Variants in NCOR2 observed in about 807,000 individuals in gnomAD.
NCOR2 encodes CTG repeat protein 26.
In NCOR2, 81 loss-of-function variants were observed where a neutral mutation model predicts 262.9. That is an observed-to-expected ratio of 0.31 (90% CI 0.26 to 0.37). NCOR2 has a LOEUF of 0.37. Ranked by LOEUF, NCOR2 falls within the 10% of genes least tolerant of loss-of-function variation. The probability of loss-of-function intolerance (pLI) is 1.00; values close to 1 mark genes in which losing one functional copy is unlikely to be tolerated. For synonymous variants in NCOR2, 1,659 were observed against 1,559.3 expected (o/e 1.06, Z -1.51); for missense variants, 3,385 against 3,621.4 (o/e 0.93, Z 1.68).
At chr12:124,527,256 G>A (rs1286334261) in intron 1 of NCOR2, among the ~76,000 whole-genome samples, 6 of 152,264 alleles carry the variant, frequency 3.9e-5, no homozygotes, top group Admixed American at 3.9e-4. Context: ...GGGTGAGATG[G>A]GAAGGACGCA....
chr12:124,350,426 T>C (rs2037351839), intron 28 of NCOR2, among the ~76,000 whole-genome samples, 161 bp downstream of exon 30: 1 of 152,196 alleles, frequency 6.6e-6, no homozygotes, highest in African/African-American at 2.4e-5. Context: ...AGGCCAACGC[T>C]TCCCTGCTGC....
rs1479503476 is a variant in NCOR2, at chr12:124,454,339, T to C, written c.762+2767A>G. On this transcript the variant is annotated intron_variant, in intron 6 of 46. Transcript: ENST00000405201. This position sits in a 1 kb window ranked among gnomAD's most constrained non-coding sequence, Gnocchi z 5.6. ...CCAAACACTAGATCTTAGCCTCCTG[T>C]GCCATCAGCCTTGTGGAAGCCTCTG... is the stretch of plus-strand genomic sequence containing the variant. Among the ~76,000 whole-genome samples, 1 of 152,160 alleles carries C rather than the reference T, an allele frequency of 6.6e-6. No homozygotes were observed. The highest frequency in any genetic ancestry group is 1.5e-5 in the Non-Finnish European group (1 of 68,036).
chr12:124,523,968 T>C lies in NCOR2; in HGVS notation c.-118+11597A>G, dbSNP rs2050327536. ...CCACTGGAGACATGGTATTGTTCTC[T>C]GAGAAACTGCTGTGGCCGTGGGCCT... On this transcript the variant is annotated intron_variant, in intron 1 of 46. Coordinates refer to the NCOR2 transcript ENST00000404621. This position sits in a 1 kb window ranked among gnomAD's most constrained non-coding sequence, Gnocchi z 4.0. Among the ~76,000 whole-genome samples, 1 of 152,248 alleles carries C rather than the reference T, an allele frequency of 6.6e-6. No homozygotes were observed. Among genetic ancestry groups the C allele is most frequent in the East Asian group, 1.9e-4 (1 of 5,202 alleles).
In NCOR2 at chr12:124,438,778, C is replaced by CAGAGAGAGAG. The variant is rs56072801; in HGVS notation, c.816-792_816-783dup. ...AGAGAGAGACAGAGACCCAGAGAGA[C>CAGAGAGAGAG]AGAGAGAGAGAGAGAGAGAGAGAGA... is the stretch of plus-strand genomic sequence containing the variant. On this transcript the variant is annotated intron_variant, in intron 7 of 46. Coordinates refer to ENST00000405201, the Ensembl canonical transcript of NCOR2. Among the ~76,000 whole-genome samples the CAGAGAGAGAG allele has an allele frequency of 3.5e-4, 21 of 60,064 alleles. 1 individual carries two copies. Among genetic ancestry groups the CAGAGAGAGAG allele is most frequent in the African/African-American group, 7.9e-4 (10 of 12,622 alleles). The allele number at this position is 60,064 out of a possible 152,430, so 39.4% of individuals were successfully genotyped here. A position where few individuals can be genotyped will look rare whatever the true frequency, so the allele number is the denominator to read the frequency against.
Position 124,335,610 on chromosome 12 carries a change from G to A in NCOR2, c.6138C>T (p.Ser2046=), listed in dbSNP as rs761023130. Reference sequence around the variant, plus strand: ...GGCTGACGGGCTCCACCCCTTCGGGGCTGTAGCTGCTGCCGTGGTAACCTA... The same window carrying A: ...GGCTGACGGGCTCCACCCCTTCGGGACTGTAGCTGCTGCCGTGGTAACCTA... The change falls in exon 39 of 47, where the codon AGC becomes AGT. Residue 2046 remains serine, a synonymous_variant. Coordinates refer to ENST00000405201, the Ensembl canonical transcript of NCOR2. 13 of 1,604,112 alleles carry A rather than the reference G, an allele frequency of 8.1e-6. No individual in the cohort carries two copies. The Middle Eastern group carries it at 5.7e-4, about 71-fold the overall frequency.
rs1412280487 is a variant in NCOR2, at chr12:124,428,090, C to CGTGTGTGTGT, written c.1150-1291_1150-1290insACACACACAC. ...GTGTGTGTGTGTGTGTGTGTGTGTA[C>CGTGTGTGTGT]ATGCAACAATCAGCCCAGGTGCCAC... On this transcript the variant is annotated intron_variant, in intron 10 of 46. Transcript: ENST00000405201. Among the ~76,000 whole-genome samples the CGTGTGTGTGT allele has an allele frequency of 5.5e-3, 759 of 138,074 alleles. 6 individuals are homozygous for CGTGTGTGTGT. Among genetic ancestry groups the CGTGTGTGTGT allele is most frequent in the African/African-American group, 0.016 (544 of 33,634 alleles). 90.6% of individuals were successfully genotyped at this position (138,074 alleles called of 152,430 possible).
intron 41 of NCOR2, among the ~76,000 whole-genome samples, chr12:124,333,861 T>TGCGG (rs778362991): frequency 0.025 from 3,491 of 141,020 alleles, 87 homozygotes; most frequent in African/African-American, 0.049. Flanking sequence ...TGTGCATGTG[T>TGCGG]GTGTGCGCAT....
chr12:124,349,138 T>G (rs1163685163), intron 28 of NCOR2, among the ~76,000 whole-genome samples: 1 of 151,998 alleles, frequency 6.6e-6, no homozygotes, highest in African/African-American at 2.4e-5. Context: ...GTGGCAGGGG[T>G]GGCCTCGCCA....
intron 20 of NCOR2, among the ~76,000 whole-genome samples, chr12:124,371,786 T>C (rs1108109): frequency 0.35 from 52,794 of 152,062 alleles, 9,855 homozygotes; most frequent in African/African-American, 0.43. Flanking sequence ...CTGCCTCCTC[T>C]GTCCGGGTCT....
intron 1 of NCOR2, among the ~76,000 whole-genome samples, chr12:124,525,578 G>A (rs1323858392): frequency 6.6e-6 from 1 of 152,236 alleles, no homozygotes; most frequent in East Asian, 1.9e-4. Context: ...GATGTCCCAC[G>A]TCCTGACCAT....
exon 42 of NCOR2, chr12:124,333,195 C>G: frequency 6.2e-7 from 1 of 1,613,190 alleles, no homozygotes; most frequent in Non-Finnish European, 8.5e-7. Context: ...AGTGCCCTGG[C>G]TCCGTCATGC....
exon 47 of NCOR2, chr12:124,325,226 G>T: frequency 2.3e-6 from 1 of 426,004 alleles, no homozygotes; most frequent in Non-Finnish European, 4.1e-6. Context: ...GGGAGTCTTA[G>T]TTAAGGCTTT....
intron 10 of NCOR2, among the ~76,000 whole-genome samples, chr12:124,428,086 T>TGTGTGTGTGTGTGTGTGTGCGC (rs958627720): frequency 2.3e-4 from 34 of 147,164 alleles, no homozygotes; most frequent in Non-Finnish European, 3.3e-4. Context: ...TGTGTGTGTG[T>TGTGTGTGTGTGTGTGTGTGCGC]GTACATGCAA....
At chr12:124,527,585 T>C (rs577167462) in intron 1 of NCOR2, among the ~76,000 whole-genome samples, 49 of 152,034 alleles carry the variant, frequency 3.2e-4, no homozygotes, top group Non-Finnish European at 5.1e-4. Context: ...GCCCGGCTAA[T>C]TCTTCTGTTT....
intron 1 of NCOR2, among the ~76,000 whole-genome samples, chr12:124,528,488 C>A (rs2050602604): frequency 6.6e-6 from 1 of 152,178 alleles, no homozygotes; most frequent in South Asian, 2.1e-4. Flanking sequence ...TCCTCCCTTG[C>A]CCCAAAATAG....
intron 43 of NCOR2, 83 bp downstream of exon 45, chr12:124,332,236 C>A: frequency 1.4e-5 from 21 of 1,549,556 alleles, no homozygotes; most frequent in Non-Finnish European, 1.9e-5. Flanking sequence ...TGGGTTTCTG[C>A]CACTGGGCGG....
Position 124,531,788 on chromosome 12 carries a change from G to A in NCOR2, c.-118+3777C>T, listed in dbSNP as rs2050794779. On this transcript the variant is annotated intron_variant, in intron 1 of 46. Transcript: ENST00000404621. This position sits in a 1 kb window ranked among gnomAD's most constrained non-coding sequence, Gnocchi z 4.5. ...AAACCTCCCCCTACACACCTTCGGT[G>A]TCCCCGATCACCCGCCCAGGGTACC... is the stretch of plus-strand genomic sequence containing the variant. Among the ~76,000 whole-genome samples the A allele has an allele frequency of 6.7e-6, 1 of 150,176 alleles. No individual in the cohort carries two copies. The highest frequency in any genetic ancestry group is 1.5e-5 in the Non-Finnish European group (1 of 67,584).
intron 37 of NCOR2, among the ~76,000 whole-genome samples, chr12:124,339,365 CACCT>C (rs58198311): frequency 0.065 from 8,485 of 130,728 alleles, 879 homozygotes; most frequent in African/African-American, 0.23. Context: ...TCCTCTTAGC[CACCT>C]ACCTACCTAC....
At chr12:124,447,107 G>A (rs1410510076) in intron 7 of NCOR2, among the ~76,000 whole-genome samples, 1 of 152,158 alleles carries the variant, frequency 6.6e-6, no homozygotes, top group Non-Finnish European at 1.5e-5. Flanking sequence ...TAGAGATGGG[G>A]TTTCACCATG....
Sources: gnomAD v4.1 joint callset for allele counts (sites outside exome capture counted in the v4.1 genomes callset) on GRCh38, gnomAD v4.1.1 for gene constraint, Gnocchi (gnomAD v3.1) non-coding constraint, MANE v1.5 for transcripts, NCBI Gene and HGNC (gene_info 2026-07-23, HGNC 2026-07-21) for gene names.